Variants in KBTBD12 observed in about 807,000 individuals in gnomAD.
KBTBD12 encodes the protein kelch repeat and BTB domain containing 12.
A neutral mutation model predicts 58.7 loss-of-function variants in KBTBD12; 53 were observed. The ratio of observed to expected loss-of-function variants is 0.90; its 90% CI spans 0.72 to 1.14. The LOEUF is 1.14. Ranked by LOEUF, KBTBD12 falls within the 50% of genes most tolerant of loss-of-function variation. KBTBD12 has a pLI of 0.00. For synonymous variants in KBTBD12, 236 were observed against 259.8 expected (o/e 0.91, Z 0.88); for missense variants, 704 against 751.3 (o/e 0.94, Z 0.74).
At chr3:127,922,855 TC>T (rs2107587960) in intron 1 of KBTBD12, 94 bp from the exon 2 acceptor site, 1 of 450,148 alleles carries the variant, frequency 2.2e-6, no homozygotes, top group East Asian at 3.6e-5. Flanking sequence ...GTGAATAATA[TC>T]TGTTTATAAA....
In KBTBD12 at chr3:127,915,323, G is replaced by C. The variant is rs1262131747; in HGVS notation, c.-376G>C. The C allele has an allele frequency of 6.6e-6, 1 of 152,554 alleles. No individual in the cohort carries two copies. Among genetic ancestry groups the C allele is most frequent in the Non-Finnish European group, 1.5e-5 (1 of 68,298 alleles). The allele number at this position is 152,554 out of a possible 1,614,324, so 9.5% of individuals were successfully genotyped here. On this transcript the variant is annotated 5_prime_UTR_variant, in exon 1 of 6. Transcript: ENST00000405109. ...AACCAGCGCGGGAATAGGTGCGCAGGCGCACAGTGGCTGGAGGGCAGCGGC... is the reference window on the plus strand; with the variant it reads ...AACCAGCGCGGGAATAGGTGCGCAGCCGCACAGTGGCTGGAGGGCAGCGGC...
chr3:127,924,213 A>G (rs1939510229), intron 2 of KBTBD12, 82 bp downstream of exon 2: 2 of 814,238 alleles, frequency 2.5e-6, no homozygotes, highest in Non-Finnish European at 2.0e-6. Flanking sequence ...AAAAGTCATC[A>G]CATCTTAAAT....
intron 5 of KBTBD12, among the ~76,000 whole-genome samples, chr3:127,968,527 G>A (rs1940623281): frequency 6.6e-6 from 1 of 152,186 alleles, no homozygotes; most frequent in African/African-American, 2.4e-5. Flanking sequence ...CTAGCAAACT[G>A]AATCCAGCAA....
chr3:127,917,557 A>G (rs1200701215), intron 1 of KBTBD12, among the ~76,000 whole-genome samples: 1 of 152,156 alleles, frequency 6.6e-6, no homozygotes, highest in Non-Finnish European at 1.5e-5. Flanking sequence ...GATGGAGCTG[A>G]AAGTCCCAAT....
chr3:127,956,090 T>G (rs1940315131), intron 4 of KBTBD12, among the ~76,000 whole-genome samples: 1 of 152,204 alleles, frequency 6.6e-6, no homozygotes, highest in Admixed American at 6.5e-5. Flanking sequence ...AGACTTGGAT[T>G]TAGAGATTCA....
chr3:127,963,635 C>T (rs375641724), intron 5 of KBTBD12: 59,994 of 407,066 alleles, frequency 0.15, 4,988 homozygotes, highest in South Asian at 0.28. Flanking sequence ...CCTGAACACA[C>T]CTGGTCTCAC....
intron 5 of KBTBD12, among the ~76,000 whole-genome samples, chr3:127,970,691 C>T (rs1940668551): frequency 6.6e-6 from 1 of 152,194 alleles, no homozygotes; most frequent in African/African-American, 2.4e-5. Flanking sequence ...TCACAAAAGA[C>T]CACATATCAC....
At chr3:127,916,710 A>AC (rs202134085) in intron 1 of KBTBD12, among the ~76,000 whole-genome samples, 6,736 of 148,556 alleles carry the variant, frequency 0.045, 216 homozygotes, top group East Asian at 0.093. Context: ...AAAAGCAAAA[A>AC]AAAAAAAAAA....
chr3:127,931,133 A>G (rs1939691056), intron 4 of KBTBD12, among the ~76,000 whole-genome samples: 1 of 152,118 alleles, frequency 6.6e-6, no homozygotes, highest in South Asian at 2.1e-4. Context: ...ATGGATAGCA[A>G]AGAAATGGCA....
intron 5 of KBTBD12, among the ~76,000 whole-genome samples, chr3:127,970,514 C>T (rs549922212): frequency 2.0e-5 from 3 of 152,136 alleles, no homozygotes; most frequent in South Asian, 4.1e-4. Flanking sequence ...GTGGAAACAA[C>T]CCAAGTGTCC....
chr3:127,940,448 T>C (rs556330625), intron 4 of KBTBD12, among the ~76,000 whole-genome samples: 120 of 152,228 alleles, frequency 7.9e-4, no homozygotes, highest in African/African-American at 2.2e-3. Flanking sequence ...TACTTGAAAA[T>C]TGAGCAACTC....
chr3:127,927,961 C>T lies in KBTBD12; in HGVS notation c.1268C>T (p.Pro423Leu). 4 of 1,613,020 alleles carry T rather than the reference C, an allele frequency of 2.5e-6. No individual in the cohort carries two copies. The highest frequency in any genetic ancestry group is 3.4e-6 in the Non-Finnish European group (4 of 1,179,156). Reference protein sequence around the residue: ...RDNWKRVSPLPLQLACHAVVT... With the variant: ...RDNWKRVSPLLLQLACHAVVT... Reference sequence around the variant, plus strand: ...AATTGGAAAAGGGTGTCTCCCCTTCCACTGCAATTGGCATGTCATGCTGTA... The same window carrying T: ...AATTGGAAAAGGGTGTCTCCCCTTCTACTGCAATTGGCATGTCATGCTGTA... Residue 423 changes from proline (P) to leucine (L), a missense_variant, in exon 3 of 6, where the codon CCA becomes CTA. Coordinates refer to ENST00000405109, the MANE Select transcript of KBTBD12 (RefSeq NM_207335.4).
At chr3:127,948,278 C>A (rs1366484498) in intron 4 of KBTBD12, among the ~76,000 whole-genome samples, 2 of 152,202 alleles carry the variant, frequency 1.3e-5, no homozygotes, top group African/African-American at 4.8e-5. Context: ...ACTTCAGTGC[C>A]ATCCTAAGCA....
chr3:127,930,241 C>T lies in KBTBD12; in HGVS notation c.1450C>T (p.Arg484Ter), dbSNP rs201398581. Residue 484 changes from arginine (R) to a stop codon, truncating the protein, a stop_gained, in exon 4 of 6, where the codon CGA (arginine) becomes TGA (stop). Transcript: ENST00000405109. LOFTEE classifies it high-confidence loss of function. ...GGCACCCATGAAGTACTCTAAGTAC[C>T]GATTCAGTACAGCTGTAGTCAACAG... Reference protein sequence around the residue: ...VRAPMKYSKYRFSTAVVNSEI... With the variant: ...VRAPMKYSKY The T allele has an allele frequency of 6.8e-6, 11 of 1,611,194 alleles. No individual in the cohort carries two copies. Among genetic ancestry groups the T allele is most frequent in the East Asian group, 6.7e-5 (3 of 44,814 alleles).
rs866455600 is a variant in KBTBD12, at chr3:127,984,634, C to T, written c.*356C>T. 5.6e-6 allele frequency: 1 copy of T among 178,604 alleles called. No individual in the cohort carries two copies. The highest frequency in any genetic ancestry group is 2.4e-5 in the African/African-American group (1 of 42,294). 11.1% of individuals were successfully genotyped at this position (178,604 alleles called of 1,614,324 possible). ...CCCAAAAGGATGAGGAGGAAGTGGT[C>T]CCATGGGTGCAGTCAATGATGAGTT... On this transcript the variant is annotated 3_prime_UTR_variant, in exon 6 of 6. Transcript: ENST00000405109.
At chr3:127,919,734 C>A (rs1939351567) in intron 1 of KBTBD12, among the ~76,000 whole-genome samples, 2 of 152,072 alleles carry the variant, frequency 1.3e-5, no homozygotes, top group Non-Finnish European at 2.9e-5. Flanking sequence ...GCTACCTACA[C>A]CCTGACACAT....
chr3:127,978,992 C>T (rs1940832168), intron 5 of KBTBD12, among the ~76,000 whole-genome samples: 1 of 152,144 alleles, frequency 6.6e-6, no homozygotes, highest in Admixed American at 6.5e-5. Flanking sequence ...CATGATTTAG[C>T]CCTAAACTGT....
chr3:127,921,789 T>C (rs1939416877), intron 1 of KBTBD12, among the ~76,000 whole-genome samples: 1 of 152,170 alleles, frequency 6.6e-6, no homozygotes, highest in Non-Finnish European at 1.5e-5. Flanking sequence ...GCAAAATATT[T>C]ATTCAAGAAG....
At chr3:127,931,381 T>C (rs1018892014) in intron 4 of KBTBD12, among the ~76,000 whole-genome samples, 3 of 152,142 alleles carry the variant, frequency 2.0e-5, no homozygotes, top group Non-Finnish European at 4.4e-5. Flanking sequence ...AATTAAGTTT[T>C]TTCTCTTGAT....
Sources: gnomAD v4.1 joint callset for allele counts (sites outside exome capture counted in the v4.1 genomes callset) on GRCh38, gnomAD v4.1.1 for gene constraint, MANE v1.5 for transcripts, NCBI Gene and HGNC (gene_info 2026-07-23, HGNC 2026-07-21) for gene names.